The following KIF20B variants were observed in gnomAD, a reference collection of about 807,000 sequenced individuals.
KIF20B encodes the protein kinesin family member 20B.
In KIF20B, 188 loss-of-function variants were observed where a neutral mutation model predicts 232.5. The ratio of observed to expected loss-of-function variants is 0.81; its 90% confidence interval spans 0.72 to 0.91. The LOEUF is 0.91. Among genes scored for constraint, KIF20B ranks in the 40% least tolerant of loss-of-function variants. The pLI, the probability that KIF20B is intolerant of heterozygous loss-of-function variation, is 0.00. For synonymous variants in KIF20B, 712 were observed against 683.0 expected, an observed-to-expected ratio of 1.04 and a Z score of -0.66; for missense variants, 2,154 against 2,055.9, an observed-to-expected ratio of 1.05 and a Z score of -0.92.
At chr10:89,726,929 C>T (rs1282457343) in intron 16 of KIF20B, among the ~76,000 whole-genome samples, 1 of 152,052 alleles carries the variant, frequency 6.6e-6, no homozygotes, top group Non-Finnish European at 1.5e-5. Flanking sequence ...CCTCAGCTTC[C>T]TGAATACTTG....
In KIF20B at chr10:89,717,452, C is replaced by T; in HGVS notation, c.1081C>T (p.Gln361Ter). 1 of 1,592,476 alleles carries T rather than the reference C, an allele frequency of 6.3e-7. No individual in the cohort carries two copies. Among genetic ancestry groups the T allele is most frequent in the Non-Finnish European group, 8.6e-7 (1 of 1,163,528 alleles). Residue 361 changes from glutamine (Q) to a stop codon, truncating the protein, a stop_gained, in exon 10 of 33, where the codon CAG becomes TAG. Transcript: ENST00000371728. LOFTEE classifies it high-confidence loss of function. Reference sequence around the variant, plus strand: ...CAGCATATTCACTGTTAAAATATTACAGATTGAAGATTCTGAAATGTCTCG... The same window carrying T: ...CAGCATATTCACTGTTAAAATATTATAGATTGAAGATTCTGAAATGTCTCG... ...SHSIFTVKIL[Q>*]IEDSEMSRVI...
intron 2 of KIF20B, among the ~76,000 whole-genome samples, chr10:89,705,683 G>A (rs572671120): frequency 6.6e-6 from 1 of 152,274 alleles, no homozygotes; most frequent in East Asian, 1.9e-4. Flanking sequence ...GTGCTTATTG[G>A]TTTATTTATT....
intron 16 of KIF20B, among the ~76,000 whole-genome samples, chr10:89,727,503 G>A (rs893083676): frequency 6.6e-6 from 1 of 152,128 alleles, no homozygotes; most frequent in Non-Finnish European, 1.5e-5. Context: ...TTTTTTGTGT[G>A]AAACAAATGG....
intron 23 of KIF20B, among the ~76,000 whole-genome samples, chr10:89,750,719 A>G (rs940273053): frequency 1.3e-5 from 2 of 152,174 alleles, no homozygotes; most frequent in African/African-American, 4.8e-5. Context: ...GTTGCTTACA[A>G]GTAATTGCTG....
At position 89,709,460 on chromosome 10, in the gene KIF20B, A is replaced by G. The variant is rs756920160; in HGVS notation, c.350A>G (p.Lys117Arg). The G allele has an allele frequency of 6.3e-7, 1 of 1,594,176 alleles. No homozygotes were observed. Among genetic ancestry groups the G allele is most frequent in the South Asian group, 1.1e-5 (1 of 90,470 alleles). Reference protein sequence around the residue: ...GQMAQKFSFSKVFGPATTQKE... With the variant: ...GQMAQKFSFSRVFGPATTQKE... ...ATGGCACAGAAATTCAGTTTTTCCA[A>G]GGTAAAACTGAAGTGTTTTTGTTTT... The change falls in exon 4 of 33, where the codon AAG (lysine) becomes AGG (arginine). Residue 117 changes from lysine (K) to arginine (R), a missense_variant and splice_region_variant. Lys to Arg is a conservative substitution (Grantham distance 26). Transcript: ENST00000371728.
intron 26 of KIF20B, among the ~76,000 whole-genome samples, chr10:89,756,473 T>C (rs1486534269): frequency 6.6e-6 from 1 of 152,200 alleles, no homozygotes. Context: ...ATATGTTTCT[T>C]TATAATCATA....
intron 14 of KIF20B, among the ~76,000 whole-genome samples, 165 bp from the exon 15 acceptor site, chr10:89,724,855 T>A (rs1843145462): frequency 6.6e-6 from 1 of 152,126 alleles, no homozygotes; most frequent in South Asian, 2.1e-4. Context: ...CCTGAAGTGA[T>A]CCACCCGCCT....
intron 13 of KIF20B, among the ~76,000 whole-genome samples, chr10:89,720,916 G>A (rs1335695006): frequency 6.6e-6 from 1 of 152,074 alleles, no homozygotes; most frequent in Admixed American, 6.5e-5. Context: ...CACCATGTTG[G>A]CCAGGCTGGT....
chr10:89,738,732 G>T, intron 20 of KIF20B, 115 bp downstream of exon 20: 1 of 1,311,330 alleles, frequency 7.6e-7, no homozygotes, highest in Non-Finnish European at 1.0e-6. Context: ...CATGTATGAT[G>T]AGTGAAGAAC....
chr10:89,716,391 T>G (rs1416449289), intron 8 of KIF20B, 45 bp from the exon 9 acceptor site: 1 of 829,632 alleles, frequency 1.2e-6, no homozygotes, highest in African/African-American at 1.8e-5. Flanking sequence ...TAGAACACAT[T>G]CTTTGTCTCA....
At chr10:89,747,941 A>G (rs1841951305) in intron 23 of KIF20B, among the ~76,000 whole-genome samples, 1 of 152,340 alleles carries the variant, frequency 6.6e-6, no homozygotes, top group Admixed American at 6.5e-5. Context: ...TTCAAATCCT[A>G]GGTGCTGAAT....
chr10:89,717,654 G>A lies in KIF20B; in HGVS notation c.1203G>A (p.Gly401=). 6.2e-7 allele frequency: 1 copy of A among 1,609,808 alleles called. No homozygotes were observed. Among genetic ancestry groups the A allele is most frequent in the Non-Finnish European group, 8.5e-7 (1 of 1,176,710 alleles). The change falls in exon 11 of 33, where the codon GGG becomes GGA. Residue 401 remains glycine (G), a synonymous_variant. Coordinates refer to ENST00000371728, the MANE Select transcript of KIF20B (RefSeq NM_001284259.2). ...AAGGTGAAAGGTTAAGAGAGACTGG[G>A]AATATCAACACTTCTTTATTGACTC... ...QNEGERLRET[G]NINTSLLTLG...
At chr10:89,712,924 A>G (rs1301933628) in intron 6 of KIF20B, among the ~76,000 whole-genome samples, 2 of 152,198 alleles carry the variant, frequency 1.3e-5, no homozygotes, top group Non-Finnish European at 2.9e-5. Context: ...TTAAGGCAGT[A>G]AAAAGTGTGT....
chr10:89,724,300 G>A (rs569823496), intron 14 of KIF20B, among the ~76,000 whole-genome samples, 197 bp downstream of exon 14: 6 of 152,102 alleles, frequency 3.9e-5, no homozygotes, highest in Admixed American at 1.3e-4. Flanking sequence ...GCCTAGGCAG[G>A]CGGATCACTG....
At chr10:89,760,028 C>T (rs1842205485) in intron 27 of KIF20B, among the ~76,000 whole-genome samples, 1 of 152,066 alleles carries the variant, frequency 6.6e-6, no homozygotes, top group Non-Finnish European at 1.5e-5. Context: ...TTTAGTTTTC[C>T]TTATGGTCTT....
At chr10:89,717,865 A>G in intron 11 of KIF20B, 143 bp downstream of exon 11, 1 of 528,064 alleles carries the variant, frequency 1.9e-6, no homozygotes, top group Admixed American at 3.7e-5. Context: ...TCAAGTACTT[A>G]AGAGATCTTG....
At chr10:89,703,789 T>A (rs1370022541) in intron 1 of KIF20B, among the ~76,000 whole-genome samples, 1 of 151,298 alleles carries the variant, frequency 6.6e-6, no homozygotes, top group African/African-American at 2.4e-5. Flanking sequence ...AGTCTTGCTC[T>A]GTGTTCAGGC....
chr10:89,726,147 T>C (rs1843182366), intron 15 of KIF20B, 146 bp from the exon 16 acceptor site: 14 of 1,054,768 alleles, frequency 1.3e-5, no homozygotes, highest in South Asian at 8.6e-5. Context: ...TTTTTCATAA[T>C]TGGAGTTGCT....
rs1029893324 is a variant in KIF20B at position 89,736,755 on chromosome 10, T to C, written c.2546-632T>C. Among the ~76,000 whole-genome samples the C allele has an allele frequency of 3.3e-5, 5 of 152,132 alleles. No individual in the cohort carries two copies. The East Asian group carries it at 7.7e-4, about 23-fold the overall frequency. On this transcript the variant is annotated intron_variant, in intron 19 of 32. Transcript: ENST00000371728. The stretch of plus-strand genomic sequence containing the variant: ...ATGCACAGTGTCGTCAACCCATTTG[T>C]CATCTTGATCTTCACAACTTTGAGA...
Sources: gnomAD v4.1 joint callset for allele counts (sites outside exome capture counted in the v4.1 genomes callset) on GRCh38, gnomAD v4.1.1 for gene constraint, MANE v1.5 for transcripts, NCBI Gene and HGNC (gene_info 2026-07-23, HGNC 2026-07-21) for gene names.